The following AZIN1 variants were observed in gnomAD, a reference collection of about 807,000 sequenced individuals.
AZIN1 encodes the protein ornithine decarboxylase antizyme inhibitor.
Under a neutral mutation model 47.4 loss-of-function variants are expected in AZIN1, and 12 were observed. The observed-to-expected ratio is 0.25, with a 90% CI of 0.16 to 0.41. The LOEUF is 0.41. Ranked by LOEUF, AZIN1 falls within the 10% of genes least tolerant of loss-of-function variation. AZIN1 has a pLI of 1.00. For synonymous variants in AZIN1, 155 were observed against 176.3 expected, an observed-to-expected ratio of 0.88 and a Z score of 0.96; for missense variants, 410 against 532.4, an observed-to-expected ratio of 0.77 and a Z score of 2.26.
chr8:102,827,225 A>G lies in AZIN1; in HGVS notation c.*1342T>C, dbSNP rs1414974900. ...TAGGAAAAAATGACCCCTGTTGTTT[A>G]TTACTATTGTGATTCTGAGATCTAG... is the stretch of plus-strand genomic sequence containing the variant. On this transcript the variant is annotated 3_prime_UTR_variant, in exon 12 of 12. Transcript: ENST00000337198. 1 of 152,544 alleles carries G rather than the reference A, an allele frequency of 6.6e-6. No homozygotes were observed. The highest frequency in any genetic ancestry group is 1.5e-5 in the Non-Finnish European group (1 of 68,012). The allele number at this position is 152,544 out of a possible 1,614,324, so 9.4% of individuals were successfully genotyped here.
At chr8:102,849,342 G>A (rs1331923305) in intron 2 of AZIN1, among the ~76,000 whole-genome samples, 3 of 151,910 alleles carry the variant, frequency 2.0e-5, no homozygotes, top group South Asian at 4.2e-4. Flanking sequence ...TTTCCAGGAC[G>A]TCTCCATACC....
chr8:102,850,786 C>T (rs1000135340), intron 2 of AZIN1, among the ~76,000 whole-genome samples: 3 of 151,982 alleles, frequency 2.0e-5, no homozygotes, highest in African/African-American at 7.3e-5. Flanking sequence ...AACTGAGTAA[C>T]CTTAGAGGAA....
At chr8:102,856,107 T>C (rs1419875004) in intron 2 of AZIN1, 2 of 151,166 alleles carry the variant, frequency 1.3e-5, no homozygotes, top group East Asian at 3.8e-4. Context: ...TTTTTTTTTT[T>C]TCCCAAATCA....
rs77192794 is a variant in AZIN1 at position 102,838,079 on chromosome 8, G to A, written c.449+665C>T. Among the ~76,000 whole-genome samples, 2,079 of 152,060 alleles carry A rather than the reference G, an allele frequency of 0.014. 114 individuals carry two copies. In the East Asian group the frequency reaches 0.2, roughly 15 times the overall value. The stretch of plus-strand genomic sequence containing the variant: ...TTCCCAAGTAGCTGGGATTACAGGC[G>A]CAGGCCACCTTGACCTTAAATGATC... On this transcript the variant is annotated intron_variant, in intron 5 of 11. Coordinates refer to ENST00000337198, the MANE Select transcript of AZIN1 (RefSeq NM_148174.4).
chr8:102,850,384 T>C (rs1234355353), intron 2 of AZIN1, among the ~76,000 whole-genome samples: 1 of 152,192 alleles, frequency 6.6e-6, no homozygotes, highest in Non-Finnish European at 1.5e-5. Flanking sequence ...GCTTTAAAAA[T>C]ATACAACGTT....
chr8:102,844,180 C>A (rs1432267027), intron 2 of AZIN1, among the ~76,000 whole-genome samples: 1 of 152,180 alleles, frequency 6.6e-6, no homozygotes, highest in African/African-American at 2.4e-5. Context: ...CACGTATTAG[C>A]ACTGCCAGGT....
intron 3 of AZIN1, among the ~76,000 whole-genome samples, chr8:102,840,047 T>C (rs1812081910): frequency 6.6e-6 from 1 of 152,224 alleles, no homozygotes. Context: ...TTTGCTGTGC[T>C]ACACTAGCAT....
intron 3 of AZIN1, among the ~76,000 whole-genome samples, chr8:102,841,706 C>T (rs112941490): frequency 2.6e-4 from 39 of 149,666 alleles, no homozygotes; most frequent in South Asian, 8.5e-4. Flanking sequence ...TACTGAACAC[C>T]GGTAACATGA....
At position 102,833,096 on chromosome 8, in the gene AZIN1, TATG is replaced by T; in HGVS notation, c.861_863del (p.Ile288del). 8 of 1,613,140 alleles carry T rather than the reference TATG, an allele frequency of 5.0e-6. No homozygotes were observed. The highest frequency in any genetic ancestry group is 6.8e-6 in the Non-Finnish European group (8 of 1,179,270). On this transcript the variant is annotated inframe_deletion, in exon 9 of 12. Transcript: ENST00000337198. ...TATCATTTTCAACAACTTTCTTTGC[TATG>T]ATATTAACTGCGAGTGTAAATGCAG...
At chr8:102,831,063 C>T (rs1811425841) in intron 9 of AZIN1, among the ~76,000 whole-genome samples, 1 of 152,170 alleles carries the variant, frequency 6.6e-6, no homozygotes. Flanking sequence ...TCCACGAAAA[C>T]AAACCAAGGC....
At chr8:102,841,127 C>T (rs1483877368) in intron 3 of AZIN1, among the ~76,000 whole-genome samples, 2 of 152,108 alleles carry the variant, frequency 1.3e-5, no homozygotes, top group African/African-American at 2.4e-5. Context: ...CAAAATTAAG[C>T]AGGCTTGGGC....
chr8:102,840,900 C>T (rs913519392), intron 3 of AZIN1, among the ~76,000 whole-genome samples: 4 of 152,250 alleles, frequency 2.6e-5, no homozygotes, highest in Admixed American at 1.3e-4. Context: ...GTTATCCATC[C>T]TCCCAAGATA....
intron 7 of AZIN1, 97 bp downstream of exon 7, chr8:102,834,569 T>C (rs917435329): frequency 3.4e-6 from 3 of 882,648 alleles, no homozygotes; most frequent in African/African-American, 3.4e-5. Context: ...ACGTTGAATG[T>C]AGTCAGAGTA....
chr8:102,838,641 A>G (rs1443409843), intron 5 of AZIN1, 103 bp downstream of exon 5: 2 of 871,876 alleles, frequency 2.3e-6, no homozygotes, highest in African/African-American at 3.4e-5. Flanking sequence ...ATTATGATAC[A>G]CATCATTGCC....
intron 2 of AZIN1, among the ~76,000 whole-genome samples, chr8:102,850,359 A>G (rs1403025177): frequency 1.3e-5 from 2 of 152,208 alleles, no homozygotes; most frequent in African/African-American, 4.8e-5. Context: ...TTGATGACTT[A>G]GCACCCAGCT....
rs1368598301 is a variant in AZIN1 at position 102,828,591 on chromosome 8, T to C, written c.1323A>G (p.Glu441=). ...FVPSCIQLSQ[E]DSFSAEA ...TTTAAGCTTCAGCGGAAAAGCTGTC[T>C]TCTTGGCTCAGCTGAATGCAAGAAG... The change falls in exon 12 of 12, where the codon GAA becomes GAG. Residue 441 remains glutamate (E), a synonymous_variant. Coordinates refer to ENST00000337198, the MANE Select transcript of AZIN1 (RefSeq NM_148174.4). The C allele has an allele frequency of 1.2e-6, 2 of 1,609,942 alleles. No homozygotes were observed. The highest frequency in any genetic ancestry group is 2.7e-5 in the African/African-American group (2 of 74,864).
intron 3 of AZIN1, among the ~76,000 whole-genome samples, chr8:102,843,205 C>CAAA (rs10713233): frequency 2.1e-5 from 2 of 97,260 alleles, no homozygotes; most frequent in African/African-American, 7.3e-5. Context: ...GACTCGTCTC[C>CAAA]AAAAAAAAAA....
intron 9 of AZIN1, among the ~76,000 whole-genome samples, chr8:102,831,212 G>C (rs1488733294): frequency 6.6e-6 from 1 of 151,958 alleles, no homozygotes; most frequent in Non-Finnish European, 1.5e-5. Flanking sequence ...AAGAGTAACA[G>C]ATTATATAAA....
At chr8:102,828,730 TA>T in intron 11 of AZIN1, 52 bp from the exon 12 acceptor site, 1 of 1,114,398 alleles carries the variant, frequency 9.0e-7, no homozygotes, top group Non-Finnish European at 1.3e-6. Context: ...AAAGACCACG[TA>T]ATCACATAAC....
Sources: gnomAD v4.1 joint callset for allele counts (sites outside exome capture counted in the v4.1 genomes callset) on GRCh38, gnomAD v4.1.1 for gene constraint, MANE v1.5 for transcripts, NCBI Gene and HGNC (gene_info 2026-07-23, HGNC 2026-07-21) for gene names.